HMCN1: variants seen among roughly 807,000 people sequenced by gnomAD.
HMCN1 encodes hemicentin-1.
Under a neutral mutation model 625.9 loss-of-function variants are expected in HMCN1, and 321 were observed. The ratio of observed to expected loss-of-function variants is 0.51; its 90% confidence interval spans 0.47 to 0.56. The LOEUF is 0.56. Ranked by LOEUF, HMCN1 falls within the 20% of genes least tolerant of loss-of-function variation. The pLI is 0.00. For synonymous variants in HMCN1, 2,425 were observed against 2,417.6 expected (o/e 1.00, Z -0.09); for missense variants, 6,588 against 6,887.3 (o/e 0.96, Z 1.54).
chr1:185,777,123 A>C (rs570795793), intron 1 of HMCN1, among the ~76,000 whole-genome samples: 76 of 152,288 alleles, frequency 5.0e-4, no homozygotes, highest in Non-Finnish European at 8.8e-4. Context: ...GAGGTGCTAC[A>C]AGTTCCAGTG....
intron 85 of HMCN1, among the ~76,000 whole-genome samples, chr1:186,131,062 A>G (rs2102517983): frequency 6.6e-6 from 1 of 152,300 alleles, no homozygotes; most frequent in Admixed American, 6.5e-5. Context: ...TCCAAAGTTC[A>G]GTAATTCAGA....
At chr1:186,160,117 C>T (rs1051922449) in intron 97 of HMCN1, among the ~76,000 whole-genome samples, 1 of 151,652 alleles carries the variant, frequency 6.6e-6, no homozygotes, top group Non-Finnish European at 1.5e-5. Context: ...TTGGTCTATT[C>T]AGAGTTCAAC....
At chr1:185,944,919 T>C (rs1051487740) in intron 11 of HMCN1, among the ~76,000 whole-genome samples, 3 of 152,232 alleles carry the variant, frequency 2.0e-5, no homozygotes, top group African/African-American at 7.2e-5. Flanking sequence ...GAATGTGTAC[T>C]AAAAAATTTT....
chr1:186,038,028 T>C lies in HMCN1; in HGVS notation c.5844T>C (p.Pro1948=). The C allele has an allele frequency of 6.3e-7, 1 of 1,591,458 alleles. No individual in the cohort carries two copies. The highest frequency in any genetic ancestry group is 8.6e-7 in the Non-Finnish European group (1 of 1,159,418). The change falls in exon 37 of 107, where the codon CCT becomes CCC. Residue 1948 remains proline (P), a synonymous_variant. Transcript: ENST00000271588. ...TGGAGTGTAAGGCAGCTGGAAATCCTGTGCCTGGTACATTTACTTTTGAAC... is the reference window on the plus strand; with the variant it reads ...TGGAGTGTAAGGCAGCTGGAAATCCCGTGCCTGGTACATTTACTTTTGAAC... ...VQLECKAAGN[P]VPVITWYKDN... is the part of the protein sequence containing the mutation.
intron 52 of HMCN1, 38 bp from the exon 53 acceptor site, chr1:186,074,703 T>C: frequency 2.5e-6 from 4 of 1,597,092 alleles, no homozygotes; most frequent in Non-Finnish European, 3.4e-6. Flanking sequence ...GGATTCATTA[T>C]AGCACTTAAT....
intron 1 of HMCN1, among the ~76,000 whole-genome samples, chr1:185,738,825 C>G (rs1653777884): frequency 6.6e-6 from 1 of 152,172 alleles, no homozygotes; most frequent in East Asian, 1.9e-4. Context: ...AAAGTAAACT[C>G]ATTCTGGAGA....
chr1:185,884,013 G>A (rs1664478320), intron 4 of HMCN1, among the ~76,000 whole-genome samples: 1 of 150,854 alleles, frequency 6.6e-6, no homozygotes. Context: ...TATATGACAG[G>A]GAGTGGGTTA....
intron 15 of HMCN1, among the ~76,000 whole-genome samples, chr1:185,970,757 C>T (rs191984110): frequency 1.3e-5 from 2 of 151,946 alleles, no homozygotes; most frequent in Admixed American, 6.6e-5. Context: ...ACCCCATGTT[C>T]GAGCAATTCT....
Position 186,023,091 on chromosome 1 carries a change from A to G in HMCN1, c.5687A>G (p.Tyr1896Cys), listed in dbSNP as rs1206215597. Residue 1896 changes from tyrosine (Y) to cysteine (C), a missense_variant, in exon 36 of 107, where the codon TAC becomes TGC. Around this residue, in one of 3 missense-constraint regions of HMCN1, gnomAD observed 4,628 missense variants for 4,853.1 expected, o/e 0.95. Coordinates refer to ENST00000271588, the MANE Select transcript of HMCN1 (RefSeq NM_031935.3). ...ACCCTGTTGGAAGATGCTGGCAGATACACATGTGTGGCTACCAACGCAGCT... is the reference window on the plus strand; with the variant it reads ...ACCCTGTTGGAAGATGCTGGCAGATGCACATGTGTGGCTACCAACGCAGCT... ...AKTLLEDAGR[Y>C]TCVATNAAGE... 2 of 1,613,272 alleles carry G rather than the reference A, an allele frequency of 1.2e-6. No individual in the cohort carries two copies. The highest frequency in any genetic ancestry group is 8.5e-7 in the Non-Finnish European group (1 of 1,179,338).
chr1:185,828,735 A>G (rs899397912), intron 1 of HMCN1, among the ~76,000 whole-genome samples: 8 of 152,112 alleles, frequency 5.3e-5, no homozygotes, highest in Non-Finnish European at 1.0e-4. Flanking sequence ...ATTTTTTAAA[A>G]ACTTCATCAA....
At chr1:186,074,659 A>C in intron 52 of HMCN1, 82 bp from the exon 53 acceptor site, 1 of 1,254,620 alleles carries the variant, frequency 8.0e-7, no homozygotes, top group African/African-American at 1.5e-5. Flanking sequence ...TATTTAAAAA[A>C]TCACAAAAAC....
rs140546705 is a variant in HMCN1 at position 185,795,540 on chromosome 1, A to G, written c.269-50486A>G. 2.1e-3 allele frequency among the ~76,000 whole-genome samples: 321 copies of G among 152,332 alleles called. 1 individual carries two copies. Among genetic ancestry groups the G allele is most frequent in the Middle Eastern group, 0.01 (3 of 294 alleles). ...GATGAGTGTTTGGGTGCCAAATTCT[A>G]CTTTACTACTTCTCATAGGAATGTC... is the stretch of plus-strand genomic sequence containing the variant. On this transcript the variant is annotated intron_variant, in intron 1 of 106. Coordinates refer to ENST00000271588, the MANE Select transcript of HMCN1 (RefSeq NM_031935.3).
At chr1:185,817,905 C>A (rs368089072) in intron 1 of HMCN1, among the ~76,000 whole-genome samples, 31 of 152,238 alleles carry the variant, frequency 2.0e-4, no homozygotes, top group African/African-American at 6.7e-4. Context: ...TACTTTTAGT[C>A]CTTTACAGCT....
chr1:186,152,797 G>T lies in HMCN1; in HGVS notation c.14944G>T (p.Gly4982Cys). ...TATTGCCCGGGGCTTGGATTCCGATGGTTCTTTGCTGCTAGATATCGTTGT... is the reference window on the plus strand; with the variant it reads ...TATTGCCCGGGGCTTGGATTCCGATTGTTCTTTGCTGCTAGATATCGTTGT... Reference protein sequence around the residue: ...SHIARGLDSDGSLLLDIVVSG... With the variant: ...SHIARGLDSDCSLLLDIVVSG... The change falls in exon 96 of 107, where the codon GGT becomes TGT. Residue 4982 changes from glycine to cysteine, a missense_variant. Transcript: ENST00000271588. The T allele has an allele frequency of 6.2e-7, 1 of 1,613,998 alleles. No individual in the cohort carries two copies. Among genetic ancestry groups the T allele is most frequent in the Non-Finnish European group, 8.5e-7 (1 of 1,179,898 alleles).
At position 186,114,027 on chromosome 1, in the gene HMCN1, A is replaced by G. The variant is rs1007619979; in HGVS notation, c.11180A>G (p.Asn3727Ser). The change falls in exon 73 of 107, where the codon AAT (asparagine) becomes AGT (serine). Residue 3727 changes from asparagine to serine, a missense_variant. Around this residue, in one of 3 missense-constraint regions of HMCN1, gnomAD observed 4,628 missense variants for 4,853.1 expected, o/e 0.95. Coordinates refer to ENST00000271588, the MANE Select transcript of HMCN1 (RefSeq NM_031935.3). ...GGPQSLVILL[N>S]KSTVLECIAE... ...CCCCAGAGCCTTGTAATTCTTTTAA[A>G]TAAGTCAACTGTATTGGAATGCATC... 1.9e-6 allele frequency: 3 copies of G among 1,614,196 alleles called. No homozygotes were observed. Among genetic ancestry groups the G allele is most frequent in the Admixed American group, 3.3e-5 (2 of 60,028 alleles).
At chr1:185,953,036 A>G (rs1649345316) in intron 11 of HMCN1, among the ~76,000 whole-genome samples, 1 of 151,472 alleles carries the variant, frequency 6.6e-6, no homozygotes, top group Admixed American at 6.6e-5. Context: ...TGCCCCCTAG[A>G]AAAGCGGGAC....
At chr1:186,002,708 A>T (rs1312576087) in intron 28 of HMCN1, among the ~76,000 whole-genome samples, 3 of 151,928 alleles carry the variant, frequency 2.0e-5, no homozygotes, top group Admixed American at 6.6e-5. Flanking sequence ...ATATATAGCT[A>T]ATTTTCTCCA....
intron 4 of HMCN1, among the ~76,000 whole-genome samples, chr1:185,904,947 A>G (rs1034696278): frequency 4.0e-5 from 6 of 151,840 alleles, no homozygotes; most frequent in African/African-American, 1.4e-4. Context: ...TGTGACTGAG[A>G]AAAATGCATG....
intron 4 of HMCN1, among the ~76,000 whole-genome samples, chr1:185,907,039 A>G (rs1666136336): frequency 6.7e-6 from 1 of 149,162 alleles, no homozygotes; most frequent in Non-Finnish European, 1.5e-5. Flanking sequence ...TTATTAAAGT[A>G]TGTGTTCTAT....
Sources: gnomAD v4.1 joint callset for allele counts (sites outside exome capture counted in the v4.1 genomes callset) on GRCh38, gnomAD v4.1.1 for gene constraint, gnomAD v4.1.1 regional missense constraint, MANE v1.5 for transcripts, NCBI Gene and HGNC (gene_info 2026-07-23, HGNC 2026-07-21) for gene names.